The following LARGE1 variants were observed in gnomAD, a reference collection of about 807,000 sequenced individuals.
LARGE1 encodes xylosyl- and glucuronyltransferase LARGE1.
LARGE1 carries 43 observed loss-of-function variants against 87.6 expected under a neutral mutation model. The observed-to-expected ratio is 0.49, with a 90% CI of 0.38 to 0.63. LARGE1 has a LOEUF of 0.63. Among genes scored for constraint, LARGE1 ranks in the 30% least tolerant of loss-of-function variants. The pLI, the probability that LARGE1 is intolerant of heterozygous loss-of-function variation, is 0.00. For missense variants in LARGE1, 802 were observed against 1,000.2 expected, an observed-to-expected ratio of 0.80 and a Z score of 2.67; for synonymous variants, 434 against 394.6, an observed-to-expected ratio of 1.10 and a Z score of -1.18.
intron 9 of LARGE1, among the ~76,000 whole-genome samples, chr22:33,370,177 A>G (rs1285546338): frequency 6.6e-6 from 1 of 152,178 alleles, no homozygotes; most frequent in Non-Finnish European, 1.5e-5. Flanking sequence ...GAACAGTAAT[A>G]TAAGGTATCT....
At chr22:33,275,587 C>T (rs1460805335) in intron 14 of LARGE1, among the ~76,000 whole-genome samples, 2 of 152,042 alleles carry the variant, frequency 1.3e-5, no homozygotes, top group Non-Finnish European at 2.9e-5. Flanking sequence ...AATGGAGGGA[C>T]AAAGAACCCC....
At chr22:33,264,674 A>C (rs1415368295) in intron 11 of LARGE1, among the ~76,000 whole-genome samples, 1 of 152,078 alleles carries the variant, frequency 6.6e-6, no homozygotes, top group African/African-American at 2.4e-5. Flanking sequence ...AAAACAAAAC[A>C]AAACAAAAAC....
intron 6 of LARGE1, among the ~76,000 whole-genome samples, chr22:33,474,658 C>T (rs140678908): frequency 1.0e-3 from 158 of 152,268 alleles, no homozygotes; most frequent in East Asian, 4.8e-3. Flanking sequence ...ATAAGTCATC[C>T]GGAGCCTCAC....
chr22:33,748,050 A>C (rs2084162797), intron 2 of LARGE1, among the ~76,000 whole-genome samples: 1 of 149,558 alleles, frequency 6.7e-6, no homozygotes, highest in South Asian at 2.1e-4. Context: ...AAAAAAAAAA[A>C]AAGCCAACTA....
intron 11 of LARGE1, among the ~76,000 whole-genome samples, chr22:33,262,750 TTTCCTTCCTTCCCTTCCCTTTCC>T (rs545026801): frequency 0.021 from 3,226 of 151,368 alleles, 57 homozygotes; most frequent in Non-Finnish European, 0.03. Context: ...TCTTTCCTTC[TTTCCTTCCTTCCCTTCCCTTTCC>T]TTCCTTCCTT....
chr22:33,540,548 C>T lies in LARGE1; in HGVS notation c.787+24300G>A, dbSNP rs140895214. On this transcript the variant is annotated intron_variant, in intron 6 of 14. Transcript: ENST00000397394. ...ACTCCTCCCAAACAGTACCCTGCCC[C>T]ACTGCCCCCATGGCAAAACAACCAA... Among the ~76,000 whole-genome samples, 974 of 152,346 alleles carry T rather than the reference C, an allele frequency of 6.4e-3. 9 individuals are homozygous for T. The highest frequency in any genetic ancestry group is 0.022 in the African/African-American group (921 of 41,582).
At chr22:33,269,452 G>C (rs904297813), downstream of LARGE1, among the ~76,000 whole-genome samples, 1 of 152,148 alleles carries the variant, frequency 6.6e-6, no homozygotes, top group African/African-American at 2.4e-5. Context: ...ATGAGTAGAT[G>C]CTCAATACAT....
intron 2 of LARGE1, chr22:33,737,475 C>T (rs1487538204): frequency 1.3e-5 from 2 of 152,188 alleles, no homozygotes; most frequent in Non-Finnish European, 2.9e-5. Context: ...TTAATTACTA[C>T]ACACCTGGCT....
intron 9 of LARGE1, among the ~76,000 whole-genome samples, chr22:33,341,180 G>C (rs1163498123): frequency 6.6e-6 from 1 of 152,074 alleles, no homozygotes; most frequent in Non-Finnish European, 1.5e-5. Context: ...AGCGCCCTTA[G>C]AAAAGACACC....
At chr22:33,169,865 A>G (rs1337126049) in intron 11 of LARGE1, among the ~76,000 whole-genome samples, 1 of 152,090 alleles carries the variant, frequency 6.6e-6, no homozygotes, top group Admixed American at 6.6e-5. Flanking sequence ...AAGGAAAAAA[A>G]AAAGTCCTGA....
chr22:33,347,945 T>G (rs1939943493), intron 9 of LARGE1, among the ~76,000 whole-genome samples: 2 of 152,074 alleles, frequency 1.3e-5, no homozygotes, highest in Admixed American at 6.6e-5. Flanking sequence ...ACCTTACCAA[T>G]GAAGAAGGCT....
the LARGE1 span, among the ~76,000 whole-genome samples, chr22:33,099,444 G>T: frequency 1.3e-5 from 2 of 151,982 alleles, no homozygotes; most frequent in East Asian, 3.9e-4. Context: ...GTAGAGACAG[G>T]GTTTCTCCAT....
chr22:33,816,725 C>CAGAT (rs1569457251), intron 1 of LARGE1, among the ~76,000 whole-genome samples: 24 of 149,970 alleles, frequency 1.6e-4, no homozygotes, highest in African/African-American at 5.0e-4. Context: ...GACAGACAGA[C>CAGAT]AGACAGACAG....
At chr22:33,480,101 T>C (rs754970826) in intron 6 of LARGE1, among the ~76,000 whole-genome samples, 5 of 152,160 alleles carry the variant, frequency 3.3e-5, no homozygotes, top group Non-Finnish European at 5.9e-5. Context: ...ATCAAGACGC[T>C]GACCCTGCCC....
chr22:33,792,361 CT>C (rs2085851050), intron 1 of LARGE1, among the ~76,000 whole-genome samples: 2 of 152,278 alleles, frequency 1.3e-5, no homozygotes, highest in East Asian at 3.9e-4. Context: ...GGTACTTCTC[CT>C]TGCTCCCGCC....
chr22:33,836,356 C>T (rs2063108902), intron 1 of LARGE1, among the ~76,000 whole-genome samples: 1 of 152,154 alleles, frequency 6.6e-6, no homozygotes, highest in Non-Finnish European at 1.5e-5. Flanking sequence ...ATGCCTGGCA[C>T]ACAATGGTGT....
In LARGE1 at chr22:33,909,696, G is replaced by A. The variant is rs907544242; in HGVS notation, c.-83+10299C>T. Among the ~76,000 whole-genome samples, 13 of 151,892 alleles carry A rather than the reference G, an allele frequency of 8.6e-5. No individual in the cohort carries two copies. The Middle Eastern group carries it at 0.017, about 199-fold the overall frequency. ...TGGGACTACAGGCGCCCGCCACCAC[G>A]CCCAGCTAATTTTTTGTATTTTTAG... On this transcript the variant is annotated intron_variant, in intron 1 of 14. Transcript: ENST00000397394.
intron 1 of LARGE1, among the ~76,000 whole-genome samples, chr22:33,837,964 A>C (rs2063157511): frequency 6.6e-6 from 1 of 152,246 alleles, no homozygotes; most frequent in South Asian, 2.1e-4. Context: ...TAAGCTCTGC[A>C]TGCCATACTT....
At chr22:33,141,188 T>TCACACA in the LARGE1 span, among the ~76,000 whole-genome samples, 1 of 146,332 alleles carries the variant, frequency 6.8e-6, no homozygotes, top group African/African-American at 2.7e-5. Flanking sequence ...TCTCTCTCTC[T>TCACACA]CTCTCTCACA....
Sources: allele counts gnomAD v4.1 joint callset (sites outside exome capture counted in the v4.1 genomes callset), GRCh38; gene constraint gnomAD v4.1.1; transcripts MANE v1.5; gene names NCBI Gene and HGNC (gene_info 2026-07-23, HGNC 2026-07-21).